CFAP299: variants seen among roughly 807,000 people sequenced by gnomAD.
CFAP299 encodes cilia- and flagella-associated protein 299.
In CFAP299, 21 loss-of-function variants were observed where a neutral mutation model predicts 27.0. The ratio of observed to expected loss-of-function variants is 0.78; its 90% CI spans 0.55 to 1.12. CFAP299 has a LOEUF of 1.12. Ranked by LOEUF, CFAP299 falls within the 50% of genes most tolerant of loss-of-function variation. CFAP299 has a pLI of 0.00. For synonymous variants in CFAP299, 104 were observed against 98.1 expected (o/e 1.06, Z -0.36); for missense variants, 310 against 276.6 (o/e 1.12, Z -0.86).
chr4:80,684,425 G>A (rs1278498490), intron 3 of CFAP299, among the ~76,000 whole-genome samples: 3 of 151,968 alleles, frequency 2.0e-5, no homozygotes, highest in Admixed American at 6.6e-5. Context: ...TACCACGCCC[G>A]ACTAATTTTT....
At chr4:80,747,028 CAAG>C (rs1298734444) in intron 3 of CFAP299, among the ~76,000 whole-genome samples, 1 of 151,894 alleles carries the variant, frequency 6.6e-6, no homozygotes, top group Non-Finnish European at 1.5e-5. Context: ...GCTCTGAACC[CAAG>C]AAGAATTAGG....
At chr4:80,813,280 C>G (rs1729250847) in intron 3 of CFAP299, among the ~76,000 whole-genome samples, 1 of 151,792 alleles carries the variant, frequency 6.6e-6, no homozygotes, top group South Asian at 2.1e-4. Flanking sequence ...TTATCTCGAG[C>G]CTTTGGCACA....
At chr4:80,866,012 T>C (rs1180024787) in intron 3 of CFAP299, among the ~76,000 whole-genome samples, 1 of 142,168 alleles carries the variant, frequency 7.0e-6, no homozygotes, top group Non-Finnish European at 1.5e-5. Flanking sequence ...GGTACATGTA[T>C]ACATATGTAA....
At chr4:80,409,833 G>A (rs925040844) in intron 2 of CFAP299, among the ~76,000 whole-genome samples, 1 of 152,124 alleles carries the variant, frequency 6.6e-6, no homozygotes, top group Non-Finnish European at 1.5e-5. Flanking sequence ...GAAAAAAAGG[G>A]CAAGCACACC....
At chr4:80,714,490 G>A (rs1235108478) in intron 3 of CFAP299, among the ~76,000 whole-genome samples, 3 of 151,986 alleles carry the variant, frequency 2.0e-5, no homozygotes, top group African/African-American at 7.2e-5. Context: ...AATATTATCT[G>A]ATTTTATCCA....
chr4:80,549,069 G>T (rs759446826), intron 2 of CFAP299, among the ~76,000 whole-genome samples: 1 of 152,014 alleles, frequency 6.6e-6, no homozygotes, highest in Non-Finnish European at 1.5e-5. Context: ...GAAGAGAGTG[G>T]CAAGAAATGT....
At chr4:80,416,010 G>A (rs1040590995) in intron 2 of CFAP299, among the ~76,000 whole-genome samples, 12 of 152,252 alleles carry the variant, frequency 7.9e-5, no homozygotes, top group South Asian at 2.1e-4. Context: ...GGATTAAAGC[G>A]GGCATAATTT....
intron 2 of CFAP299, among the ~76,000 whole-genome samples, chr4:80,481,819 G>A (rs1449006348): frequency 6.6e-6 from 1 of 152,036 alleles, no homozygotes; most frequent in African/African-American, 2.4e-5. Context: ...TATGGTGATA[G>A]TAGTGCTACC....
intron 2 of CFAP299, among the ~76,000 whole-genome samples, chr4:80,472,929 G>T (rs1052686896): frequency 2.6e-5 from 4 of 152,098 alleles, no homozygotes; most frequent in African/African-American, 9.7e-5. Context: ...CCTACAGGTG[G>T]ATCTGCCATA....
At chr4:80,944,999 T>G in intron 5 of CFAP299, 60 bp downstream of exon 5, 1 of 1,485,610 alleles carries the variant, frequency 6.7e-7, no homozygotes, top group South Asian at 1.2e-5. Context: ...TTTCTGCCAC[T>G]ATTCAAAAAA....
intron 3 of CFAP299, among the ~76,000 whole-genome samples, chr4:80,821,872 A>T (rs189968155): frequency 2.0e-5 from 3 of 151,732 alleles, no homozygotes; most frequent in Admixed American, 2.0e-4. Context: ...ATGCATAGCC[A>T]TCCCCTGGCT....
At chr4:80,456,837 C>A (rs1036162516) in intron 2 of CFAP299, among the ~76,000 whole-genome samples, 2 of 152,084 alleles carry the variant, frequency 1.3e-5, no homozygotes, top group African/African-American at 4.8e-5. Context: ...AGTCCTGCAA[C>A]ACTCCAATGC....
chr4:80,531,627 T>C (rs1389479429), intron 2 of CFAP299, among the ~76,000 whole-genome samples: 1 of 152,196 alleles, frequency 6.6e-6, no homozygotes, highest in African/African-American at 2.4e-5. Flanking sequence ...TGCCCTTTAT[T>C]GAAAATAGAT....
At chr4:80,719,493 G>A (rs1232162327) in intron 3 of CFAP299, among the ~76,000 whole-genome samples, 5 of 152,108 alleles carry the variant, frequency 3.3e-5, no homozygotes, top group Non-Finnish European at 5.9e-5. Flanking sequence ...ACGTATGTGA[G>A]TTCCACATTC....
intron 3 of CFAP299, among the ~76,000 whole-genome samples, chr4:80,767,770 C>T (rs1036090332): frequency 5.9e-5 from 9 of 152,300 alleles, no homozygotes; most frequent in Middle Eastern, 3.4e-3. Flanking sequence ...CTCTACCTTT[C>T]TTCTAACTTT....
chr4:80,898,810 AC>A (rs1177828181), intron 4 of CFAP299, among the ~76,000 whole-genome samples: 2 of 152,114 alleles, frequency 1.3e-5, no homozygotes, highest in Non-Finnish European at 2.9e-5. Flanking sequence ...AATGACTTAA[AC>A]AATTTTTTAG....
intron 2 of CFAP299, among the ~76,000 whole-genome samples, chr4:80,534,839 G>A (rs953131493): frequency 1.3e-5 from 2 of 152,014 alleles, no homozygotes; most frequent in African/African-American, 4.8e-5. Flanking sequence ...GAATTTTCTT[G>A]TCAGCATTTT....
chr4:80,646,466 AC>A (rs1289086721), intron 3 of CFAP299, among the ~76,000 whole-genome samples: 1 of 152,202 alleles, frequency 6.6e-6, no homozygotes, highest in African/African-American at 2.4e-5. Flanking sequence ...GAATAAGAGT[AC>A]TACAATTAAT....
rs1417305655 is a variant in CFAP299 at position 80,443,324 on chromosome 4, T to A, written c.242+80440T>A. Among the ~76,000 whole-genome samples the A allele has an allele frequency of 2.0e-5, 3 of 152,186 alleles. No individual in the cohort carries two copies. In the East Asian group the frequency reaches 5.8e-4, roughly 29 times the overall value. The stretch of plus-strand genomic sequence containing the variant: ...GAATCCAGCAGCACATCAAAAAGCT[T>A]ATCCACCATGATCAAGTCACCTTCA... On this transcript the variant is annotated intron_variant, in intron 2 of 5. Coordinates refer to ENST00000358105, the MANE Select transcript of CFAP299 (RefSeq NM_152770.3).
Sources: gnomAD v4.1 joint callset for allele counts (sites outside exome capture counted in the v4.1 genomes callset) on GRCh38, gnomAD v4.1.1 for gene constraint, MANE v1.5 for transcripts, NCBI Gene and HGNC (gene_info 2026-07-23, HGNC 2026-07-21) for gene names.